Variants in SCN9A observed in about 807,000 individuals in gnomAD.
The protein encoded by SCN9A is sodium voltage-gated channel alpha subunit 9.
SCN9A carries 131 observed loss-of-function variants against 187.0 expected under a neutral mutation model. The observed-to-expected ratio is 0.70, with a 90% confidence interval of 0.61 to 0.81. SCN9A has a LOEUF of 0.81. Ranked by LOEUF, SCN9A falls within the 30% of genes least tolerant of loss-of-function variation. The pLI is 0.00. For synonymous variants in SCN9A, 809 were observed against 808.6 expected (o/e 1.00, Z -0.01); for missense variants, 2,252 against 2,396.6 (o/e 0.94, Z 1.26).
intron 17 of SCN9A, among the ~76,000 whole-genome samples, chr2:166,264,687 C>T (rs1696657110): frequency 6.6e-6 from 1 of 151,882 alleles, no homozygotes; most frequent in African/African-American, 2.4e-5. Flanking sequence ...TAGGAGAGCA[C>T]TGAAAATTCT....
Position 166,215,093 on chromosome 2 carries a change from C to G in SCN9A, c.4399-10629G>C, listed in dbSNP as rs371244912. Among the ~76,000 whole-genome samples, 18 of 152,116 alleles carry G rather than the reference C, an allele frequency of 1.2e-4. No individual in the cohort carries two copies. In the South Asian group the frequency reaches 3.7e-3, roughly 31 times the overall value. ...AAATTTAAGAAGATTAAAATCATAT[C>G]GAGTATGTTTTCTGTTCATGATGAC... On this transcript the variant is annotated intron_variant, in intron 24 of 26. Transcript: ENST00000642356.
intron 24 of SCN9A, among the ~76,000 whole-genome samples, chr2:166,219,440 G>A (rs894537036): frequency 2.0e-5 from 3 of 152,008 alleles, no homozygotes; most frequent in Non-Finnish European, 2.9e-5. Context: ...GGAGCTGGAG[G>A]CCATTTTCAT....
chr2:166,276,228 G>A (rs1462490842), intron 16 of SCN9A, among the ~76,000 whole-genome samples: 3 of 152,090 alleles, frequency 2.0e-5, no homozygotes, highest in South Asian at 2.1e-4. Context: ...CTATGTCCAC[G>A]CGATGCTATA....
At chr2:166,259,478 A>G (rs752894620) in intron 17 of SCN9A, among the ~76,000 whole-genome samples, 2 of 151,820 alleles carry the variant, frequency 1.3e-5, no homozygotes, top group African/African-American at 2.4e-5. Context: ...ATGTCATTCA[A>G]CAGAGACTTA....
intron 19 of SCN9A, among the ~76,000 whole-genome samples, chr2:166,238,884 A>G (rs183434740): frequency 6.6e-6 from 1 of 152,330 alleles, no homozygotes; most frequent in African/African-American, 2.4e-5. Context: ...TCACTGTTCT[A>G]TTCTCTCCAT....
chr2:166,262,269 C>A (rs1211749612), intron 17 of SCN9A, among the ~76,000 whole-genome samples: 1 of 151,446 alleles, frequency 6.6e-6, no homozygotes, highest in Non-Finnish European at 1.5e-5. Context: ...ACATGAAATA[C>A]CATAATGTAT....
intron 1 of SCN9A, among the ~76,000 whole-genome samples, chr2:166,316,173 T>A (rs572354221): frequency 6.6e-6 from 1 of 152,166 alleles, no homozygotes; most frequent in African/African-American, 2.4e-5. Context: ...GATATTAATA[T>A]ATCTCATAAA....
rs141482831 is a variant in SCN9A, at chr2:166,300,089, C to G, written c.901+3001G>C. The stretch of plus-strand genomic sequence containing the variant: ...CAACCTTCAACTTACCTTTCTTATT[C>G]CCATCTACCATCTACCCTTGCTCAA... On this transcript the variant is annotated intron_variant, in intron 7 of 26. Coordinates refer to ENST00000642356, the MANE Select transcript of SCN9A (RefSeq NM_001365536.1). 1.7e-3 allele frequency among the ~76,000 whole-genome samples: 264 copies of G among 150,944 alleles called. 14 individuals are homozygous for G. Among genetic ancestry groups the G allele is most frequent in the African/African-American group, 6.2e-3 (251 of 40,300 alleles).
In SCN9A at chr2:166,353,213, C is replaced by G. The variant is rs1700081097; in HGVS notation, c.-51+22484G>C. ...CTTCAAAAATACAAAAATAGTGAGT[C>G]CCTGTTTCCAAAAAAAAAAAAAAGA... On this transcript the variant is annotated intron_variant, in intron 1 of 26. Coordinates refer to ENST00000642356, the MANE Select transcript of SCN9A (RefSeq NM_001365536.1). Among the ~76,000 whole-genome samples, 3 of 147,672 alleles carry G rather than the reference C, an allele frequency of 2.0e-5. No individual in the cohort carries two copies. In the South Asian group the frequency reaches 6.4e-4, roughly 32 times the overall value.
intron 17 of SCN9A, among the ~76,000 whole-genome samples, chr2:166,255,956 A>C (rs572653330): frequency 6.6e-6 from 1 of 151,578 alleles, no homozygotes; most frequent in Admixed American, 6.6e-5. Context: ...CAATATCTAT[A>C]ATTGTGTTCT....
intron 24 of SCN9A, 72 bp downstream of exon 24, chr2:166,226,495 C>A: frequency 5.5e-6 from 6 of 1,092,870 alleles, no homozygotes; most frequent in Non-Finnish European, 2.6e-6. Context: ...TCAAATTAAA[C>A]TTTACATTAT....
intron 5 of SCN9A, among the ~76,000 whole-genome samples, chr2:166,305,040 A>G (rs1698709169): frequency 6.6e-6 from 1 of 152,088 alleles, no homozygotes; most frequent in African/African-American, 2.4e-5. Flanking sequence ...AAAAGGAGGG[A>G]GCCTGATGGA....
intron 1 of SCN9A, among the ~76,000 whole-genome samples, chr2:166,315,493 C>A (rs1699087406): frequency 6.6e-6 from 1 of 152,128 alleles, no homozygotes; most frequent in South Asian, 2.1e-4. Flanking sequence ...GGCAATATTT[C>A]CCTGATCAAG....
At chr2:166,201,686 C>G (rs1427156367) in intron 26 of SCN9A, among the ~76,000 whole-genome samples, 1 of 149,178 alleles carries the variant, frequency 6.7e-6, no homozygotes, top group Non-Finnish European at 1.5e-5. Context: ...ATACTCTATA[C>G]TATATACATA....
rs1553490377 is a variant in SCN9A at position 166,286,458 on chromosome 2, T to C, written c.1480A>G (p.Lys494Glu). ...NQKKLSSGEE[K>E]GDAEKLSKSE... Reference sequence around the variant, plus strand: ...TTCGACAATTTCTCAGCATCTCCCTTTTCCTCTCCACTGGAGAGCTTCTTT... The same window carrying C: ...TTCGACAATTTCTCAGCATCTCCCTCTTCCTCTCCACTGGAGAGCTTCTTT... The change falls in exon 11 of 27, where the codon AAG (lysine) becomes GAG (glutamate). Residue 494 changes from lysine to glutamate, a missense_variant. Lys to Glu is a moderately conservative substitution (Grantham distance 56). Coordinates refer to ENST00000642356, the MANE Select transcript of SCN9A (RefSeq NM_001365536.1). The C allele has an allele frequency of 1.2e-6, 2 of 1,613,970 alleles. No homozygotes were observed. Among genetic ancestry groups the C allele is most frequent in the South Asian group, 2.2e-5 (2 of 91,080 alleles).
chr2:166,260,261 A>C (rs1696451067), intron 17 of SCN9A, among the ~76,000 whole-genome samples: 1 of 151,914 alleles, frequency 6.6e-6, no homozygotes. Flanking sequence ...AGTATCTCCA[A>C]AGATAATGAC....
chr2:166,372,165 A>T (rs1167759016), intron 1 of SCN9A, among the ~76,000 whole-genome samples: 2 of 152,058 alleles, frequency 1.3e-5, no homozygotes, highest in East Asian at 3.9e-4. Flanking sequence ...ATGAGCATGA[A>T]GTTTGCAGTC....
chr2:166,255,293 A>G, intron 17 of SCN9A, among the ~76,000 whole-genome samples: 1 of 151,422 alleles, frequency 6.6e-6, no homozygotes, highest in South Asian at 2.1e-4. Flanking sequence ...ATTATTCTTC[A>G]TGGTTTTCCC....
Position 166,341,944 on chromosome 2 carries a change from CTCTT to C in SCN9A, c.-50-30142_-50-30139del, listed in dbSNP as rs554686400. On this transcript the variant is annotated intron_variant, in intron 1 of 26. Coordinates refer to ENST00000642356, the MANE Select transcript of SCN9A (RefSeq NM_001365536.1). ...TAAGAATACTAGGATATTCTGATCTCTCTTATATTGTTTTGTAAGCATACTTGCA... is the reference window on the plus strand; with the variant it reads ...TAAGAATACTAGGATATTCTGATCTCATATTGTTTTGTAAGCATACTTGCA... Among the ~76,000 whole-genome samples the C allele has an allele frequency of 2.9e-4, 44 of 152,248 alleles. 1 individual carries two copies. The South Asian group carries it at 7.5e-3, about 26-fold the overall frequency.
Sources: gnomAD v4.1 joint callset for allele counts (sites outside exome capture counted in the v4.1 genomes callset) on GRCh38, gnomAD v4.1.1 for gene constraint, MANE v1.5 for transcripts, NCBI Gene and HGNC (gene_info 2026-07-23, HGNC 2026-07-21) for gene names.